Variants in MAGI3 observed in about 807,000 individuals in gnomAD.
MAGI3 encodes membrane-associated guanylate kinase, WW and PDZ domain-containing protein 3.
Under a neutral mutation model 121.8 loss-of-function variants are expected in MAGI3, and 43 were observed. The observed-to-expected ratio is 0.35, with a 90% CI of 0.28 to 0.46. The LOEUF (loss-of-function observed/expected upper bound fraction) is 0.46. Among genes scored for constraint, MAGI3 ranks in the 20% least tolerant of loss-of-function variants. MAGI3 has a pLI of 1.00. For synonymous variants in MAGI3, 553 were observed against 639.3 expected (o/e 0.86, Z 2.04); for missense variants, 1,547 against 1,797.3 (o/e 0.86, Z 2.52).
chr1:113,584,702 A>G (rs1310973156), intron 3 of MAGI3, among the ~76,000 whole-genome samples: 1 of 152,164 alleles, frequency 6.6e-6, no homozygotes, highest in South Asian at 2.1e-4. Flanking sequence ...TTTTATGCCA[A>G]TTAGTCTTAC....
chr1:113,573,322 G>A (rs1647426794), intron 2 of MAGI3, among the ~76,000 whole-genome samples: 1 of 152,222 alleles, frequency 6.6e-6, no homozygotes, highest in African/African-American at 2.4e-5. Context: ...GTTTTCCGAT[G>A]TGGGCATTCA....
intron 4 of MAGI3, among the ~76,000 whole-genome samples, chr1:113,588,389 A>G (rs576973483): frequency 6.6e-6 from 1 of 152,322 alleles, no homozygotes; most frequent in East Asian, 1.9e-4. Context: ...AGGCAATAGA[A>G]TAGAATAGTA....
At chr1:113,600,157 G>A (rs892102744) in intron 6 of MAGI3, among the ~76,000 whole-genome samples, 2 of 152,072 alleles carry the variant, frequency 1.3e-5, no homozygotes, top group East Asian at 3.9e-4. Context: ...TTTGAAAACT[G>A]GCACAAGACA....
intron 6 of MAGI3, among the ~76,000 whole-genome samples, chr1:113,602,322 C>T (rs1223754504): frequency 6.6e-6 from 1 of 152,088 alleles, no homozygotes; most frequent in Non-Finnish European, 1.5e-5. Flanking sequence ...ACCCTAAAAA[C>T]TATACAAATG....
rs1198681215 is a variant in MAGI3, at chr1:113,683,914, G to C, written c.4346G>C (p.Ser1449Thr). 1 of 1,611,534 alleles carries C rather than the reference G, an allele frequency of 6.2e-7. No individual in the cohort carries two copies. Among genetic ancestry groups the C allele is most frequent in the Admixed American group, 1.7e-5 (1 of 59,744 alleles). The stretch of plus-strand genomic sequence containing the variant: ...ACTGGAAGGTTCAAACCGGAAAGCA[G>C]TTCTCCAGTTAAGAAAACACTGATA... ...KETGRFKPES[S>T]SPVKKTLITP... The change falls in exon 21 of 21, where the codon AGT (serine) becomes ACT (threonine). Residue 1449 changes from serine to threonine, a missense_variant. Physicochemically the swap from Ser to Thr is moderately conservative, Grantham distance 58 (BLOSUM62 1). Transcript: ENST00000307546.
At chr1:113,524,523 G>T (rs932782756) in intron 1 of MAGI3, among the ~76,000 whole-genome samples, 1 of 152,030 alleles carries the variant, frequency 6.6e-6, no homozygotes, top group Non-Finnish European at 1.5e-5. Context: ...TAATTTTGGA[G>T]CTTTAAGATT....
At chr1:113,433,188 T>C (rs955161179) in intron 1 of MAGI3, among the ~76,000 whole-genome samples, 1 of 152,146 alleles carries the variant, frequency 6.6e-6, no homozygotes, top group Non-Finnish European at 1.5e-5. Flanking sequence ...CTGTGGGAGA[T>C]GGAACATGAG....
At chr1:113,472,225 CAG>C (rs1655574102) in intron 1 of MAGI3, among the ~76,000 whole-genome samples, 1 of 143,590 alleles carries the variant, frequency 7.0e-6, no homozygotes, top group South Asian at 2.2e-4. Flanking sequence ...TTTTTTGAGA[CAG>C]AGTCTCGCTC....
chr1:113,653,496 C>T (rs1653288821), intron 14 of MAGI3, among the ~76,000 whole-genome samples: 2 of 151,708 alleles, frequency 1.3e-5, no homozygotes, highest in South Asian at 4.2e-4. Flanking sequence ...GGCGTGAACC[C>T]AGGAAGCAGA....
At position 113,621,434 on chromosome 1, in the gene MAGI3, G is replaced by C. The variant is rs568775099; in HGVS notation, c.1172-1372G>C. Reference sequence around the variant, plus strand: ...AGCAAGTAGAGAGTGAAGTAAAATTGCAATAGAATGAAGAGGGTATGGGAG... The same window carrying C: ...AGCAAGTAGAGAGTGAAGTAAAATTCCAATAGAATGAAGAGGGTATGGGAG... On this transcript the variant is annotated intron_variant, in intron 8 of 20. Transcript: ENST00000307546. 1.4e-4 allele frequency among the ~76,000 whole-genome samples: 22 copies of C among 152,214 alleles called. No individual in the cohort carries two copies. The East Asian group carries it at 2.9e-3, about 20-fold the overall frequency.
rs368999449 is a variant in MAGI3 at position 113,659,161 on chromosome 1, C to T, written c.2711C>T (p.Ser904Phe). Residue 904 changes from serine (S) to phenylalanine (F), a missense_variant, in exon 16 of 21, where the codon TCT becomes TTT. Coordinates refer to ENST00000307546, the MANE Select transcript of MAGI3 (RefSeq NM_001142782.2). Reference sequence around the variant, plus strand: ...AAACTGAAAGTTGGAGATCATATCTCTGCAGTGAATGGGCAGTCCATTGTT... The same window carrying T: ...AAACTGAAAGTTGGAGATCATATCTTTGCAGTGAATGGGCAGTCCATTGTT... Reference protein sequence around the residue: ...CGKLKVGDHISAVNGQSIVEL... With the variant: ...CGKLKVGDHIFAVNGQSIVEL... The T allele has an allele frequency of 8.7e-6, 14 of 1,613,994 alleles. No individual in the cohort carries two copies. Among genetic ancestry groups the T allele is most frequent in the Non-Finnish European group, 1.1e-5 (13 of 1,179,988 alleles).
intron 2 of MAGI3, among the ~76,000 whole-genome samples, chr1:113,576,300 G>A (rs1201233277): frequency 2.0e-5 from 3 of 152,202 alleles, no homozygotes; most frequent in Non-Finnish European, 4.4e-5. Flanking sequence ...GGCCCTGGTG[G>A]TGTAGGCACA....
At position 113,587,672 on chromosome 1, in the gene MAGI3, G is replaced by A. The variant is rs188020420; in HGVS notation, c.763+2076G>A. 1.9e-3 allele frequency among the ~76,000 whole-genome samples: 284 copies of A among 152,218 alleles called. 2 individuals carry two copies. Among genetic ancestry groups the A allele is most frequent in the South Asian group, 5.4e-3 (26 of 4,822 alleles). ...GGTCATGTACAATAACATATGTTAC[G>A]TAATAATTATTTTTTTTCTAAGAAA... On this transcript the variant is annotated intron_variant, in intron 4 of 20. Transcript: ENST00000307546.
At chr1:113,677,492 G>T (rs1176299231) in intron 19 of MAGI3, among the ~76,000 whole-genome samples, 1 of 152,108 alleles carries the variant, frequency 6.6e-6, no homozygotes, top group Non-Finnish European at 1.5e-5. Context: ...TGTGCTTTCC[G>T]CTATGTCAGG....
intron 2 of MAGI3, among the ~76,000 whole-genome samples, chr1:113,570,578 G>A (rs955420286): frequency 1.3e-5 from 2 of 151,966 alleles, no homozygotes; most frequent in African/African-American, 2.4e-5. Context: ...TTTAATAATC[G>A]CCATTCTAAC....
intron 1 of MAGI3, among the ~76,000 whole-genome samples, chr1:113,509,454 T>C (rs1168320001): frequency 6.9e-6 from 1 of 145,268 alleles, no homozygotes; most frequent in African/African-American, 2.5e-5. Flanking sequence ...TGCTGAGACA[T>C]TTGTAATGAA....
At chr1:113,656,258 C>A (rs988402284) in intron 15 of MAGI3, among the ~76,000 whole-genome samples, 6 of 152,178 alleles carry the variant, frequency 3.9e-5, no homozygotes, top group African/African-American at 1.4e-4. Flanking sequence ...CACATATAGA[C>A]AGAAAAAGGG....
In MAGI3 at chr1:113,590,637, C is replaced by T. The variant is rs746310065; in HGVS notation, c.917C>T (p.Thr306Ile). The T allele has an allele frequency of 6.2e-7, 1 of 1,613,484 alleles. No individual in the cohort carries two copies. Among genetic ancestry groups the T allele is most frequent in the African/African-American group, 1.3e-5 (1 of 74,910 alleles). ...AACTGGGAAATGGCCTACACTGACACAGGGATGATCTACTTCATTGAGTAA... is the reference window on the plus strand; with the variant it reads ...AACTGGGAAATGGCCTACACTGACATAGGGATGATCTACTTCATTGAGTAA... ...PKNWEMAYTD[T>I]GMIYFIDHNT... The change falls in exon 5 of 21, where the codon ACA (threonine) becomes ATA (isoleucine). Residue 306 changes from threonine to isoleucine, a missense_variant. Coordinates refer to ENST00000307546, the MANE Select transcript of MAGI3 (RefSeq NM_001142782.2).
chr1:113,517,830 G>C (rs1301597206), intron 1 of MAGI3, among the ~76,000 whole-genome samples: 3 of 151,558 alleles, frequency 2.0e-5, no homozygotes, highest in African/African-American at 7.3e-5. Context: ...TCTCTGTCTT[G>C]TTCCACCAAC....
Sources: allele counts gnomAD v4.1 joint callset (sites outside exome capture counted in the v4.1 genomes callset), GRCh38; gene constraint gnomAD v4.1.1; transcripts MANE v1.5; gene names NCBI Gene and HGNC (gene_info 2026-07-23, HGNC 2026-07-21).